The following THRA variants were observed in gnomAD, a reference collection of about 807,000 sequenced individuals.
The protein encoded by THRA is EAR-7.
THRA carries 13 observed loss-of-function variants against 45.0 expected under a neutral mutation model. The observed-to-expected ratio is 0.29, with a 90% confidence interval of 0.19 to 0.46. The LOEUF (loss-of-function observed/expected upper bound fraction) is 0.46, where lower values mean the gene tolerates loss of function less well. Among genes scored for constraint, THRA ranks in the 20% least tolerant of loss-of-function variants. The pLI, the probability that THRA is intolerant of heterozygous loss-of-function variation, is 1.00. For synonymous variants in THRA, 195 were observed against 214.0 expected (o/e 0.91, Z 0.78); for missense variants, 278 against 556.1 (o/e 0.50, Z 5.03).
intron 3 of THRA, 111 bp downstream of exon 3, chr17:40,077,049 G>A (rs1348410451): frequency 3.5e-6 from 4 of 1,129,650 alleles, no homozygotes; most frequent in Middle Eastern, 2.2e-4. Flanking sequence ...CCTGGGGGGA[G>A]CCTCCTAGAG....
chr17:40,081,002 G>A (rs925235942), intron 4 of THRA, among the ~76,000 whole-genome samples: 11 of 152,158 alleles, frequency 7.2e-5, no homozygotes, highest in Middle Eastern at 3.4e-3. Flanking sequence ...GATTACAGGC[G>A]TGAGCCACCG....
At chr17:40,079,119 A>G (rs1461640366) in intron 4 of THRA, among the ~76,000 whole-genome samples, 1 of 152,064 alleles carries the variant, frequency 6.6e-6, no homozygotes, top group Non-Finnish European at 1.5e-5. Context: ...AGTGTTTCCC[A>G]TGCACCTGAA....
downstream of THRA, chr17:40,093,431 C>T: frequency 6.4e-7 from 1 of 1,562,128 alleles, no homozygotes; most frequent in South Asian, 1.2e-5. This position sits in a 1 kb window ranked among gnomAD's most constrained non-coding sequence, Gnocchi z 5.9. Flanking sequence ...CATACCTTCT[C>T]CCAGGCCTCT....
At chr17:40,085,190 G>C (rs1331844600) in intron 6 of THRA, among the ~76,000 whole-genome samples, 1 of 152,160 alleles carries the variant, frequency 6.6e-6, no homozygotes, top group Non-Finnish European at 1.5e-5. Flanking sequence ...GGTCAAGCTA[G>C]TTGCTAAGTA....
intron 4 of THRA, among the ~76,000 whole-genome samples, chr17:40,080,961 A>G (rs567255484): frequency 6.6e-5 from 10 of 151,960 alleles, no homozygotes; most frequent in African/African-American, 2.4e-4. Flanking sequence ...TGACCTCGTG[A>G]TCCACCCACC....
intron 1 of THRA, among the ~76,000 whole-genome samples, chr17:40,064,065 C>T (rs1446187059): frequency 6.6e-6 from 1 of 152,084 alleles, no homozygotes; most frequent in Non-Finnish European, 1.5e-5. Context: ...GAGATATGTC[C>T]ACACAGACAG....
chr17:40,067,102 A>G (rs944838408), intron 1 of THRA, among the ~76,000 whole-genome samples: 4 of 152,112 alleles, frequency 2.6e-5, no homozygotes, highest in African/African-American at 9.7e-5. Flanking sequence ...CAGCCTTCTC[A>G]CCGTCATGTA....
At chr17:40,084,263 C>T (rs937338956) in intron 5 of THRA, among the ~76,000 whole-genome samples, 8 of 152,204 alleles carry the variant, frequency 5.3e-5, no homozygotes, top group Non-Finnish European at 1.2e-4. Flanking sequence ...CACTCTAGCA[C>T]ACTGTTCTTG....
chr17:40,084,766 G>A lies in THRA; in HGVS notation c.527G>A (p.Arg176His). The A allele has an allele frequency of 6.2e-7, 1 of 1,614,068 alleles. No individual in the cohort carries two copies. Among genetic ancestry groups the A allele is most frequent in the Non-Finnish European group, 8.5e-7 (1 of 1,180,020 alleles). Residue 176 changes from arginine to histidine, a missense_variant, in exon 6 of 9, where the codon CGC becomes CAC. Arg to His is a conservative substitution (Grantham distance 29). This residue lies in a region of THRA where 111 missense variants were observed against 167.1 expected (regional missense o/e 0.66). Coordinates refer to ENST00000450525, the MANE Select transcript of THRA (RefSeq NM_199334.5). ...ATCCACATTGCCACAGAGGCCCATC[G>A]CAGCACCAATGCCCAGGGCAGCCAT... ...DLIHIATEAH[R>H]STNAQGSHWK...
At position 40,084,652 on chromosome 17, in the gene THRA, T is replaced by C; in HGVS notation, c.413T>C (p.Ile138Thr). ...DSKRVAKRKL[I>T]EQNRERRRKE... Reference sequence around the variant, plus strand: ...AAGCGGGTGGCCAAGCGTAAGCTGATTGAGCAGAACCGGGAGCGGCGGCGG... The same window carrying C: ...AAGCGGGTGGCCAAGCGTAAGCTGACTGAGCAGAACCGGGAGCGGCGGCGG... Residue 138 changes from isoleucine to threonine, a missense_variant, in exon 6 of 9, where the codon ATT (isoleucine) becomes ACT (threonine). By Grantham distance (89) the Ile-to-Thr change is moderately conservative. Coordinates refer to ENST00000450525, the MANE Select transcript of THRA (RefSeq NM_199334.5). 1 of 1,614,102 alleles carries C rather than the reference T, an allele frequency of 6.2e-7. No individual in the cohort carries two copies. The highest frequency in any genetic ancestry group is 8.5e-7 in the Non-Finnish European group (1 of 1,180,004).
chr17:40,070,955 C>T (rs1054513508), intron 1 of THRA, among the ~76,000 whole-genome samples: 6 of 152,010 alleles, frequency 3.9e-5, no homozygotes, highest in African/African-American at 1.2e-4. Context: ...TTCTACCTCA[C>T]CCCTTCTCCC....
chr17:40,072,287 G>T (rs148779765), intron 1 of THRA: 366 of 152,562 alleles, frequency 2.4e-3, no homozygotes, highest in Non-Finnish European at 4.6e-3. Flanking sequence ...GCCTGGCCCG[G>T]CCCACAGCAG....
At chr17:40,087,153 AAC>A (rs1199684091) in intron 7 of THRA, among the ~76,000 whole-genome samples, 6 of 147,042 alleles carry the variant, frequency 4.1e-5, no homozygotes, top group African/African-American at 1.3e-4. Flanking sequence ...CTAGTACACA[AAC>A]ACACACACAG....
chr17:40,070,000 G>A (rs985239769), intron 1 of THRA, among the ~76,000 whole-genome samples: 1 of 151,612 alleles, frequency 6.6e-6, no homozygotes, highest in Admixed American at 6.6e-5. Context: ...CTGCAGGGGG[G>A]GTTTCCTGTT....
chr17:40,064,855 T>C (rs1568400), intron 1 of THRA, among the ~76,000 whole-genome samples: 57,412 of 152,000 alleles, frequency 0.38, 13,543 homozygotes, highest in African/African-American at 0.67. Context: ...AGGTGCAGAA[T>C]GAGTTCACAA....
chr17:40,063,258 C>T (rs111828565), intron 1 of THRA, among the ~76,000 whole-genome samples, 166 bp downstream of exon 1: 33 of 152,310 alleles, frequency 2.2e-4, no homozygotes, highest in African/African-American at 7.7e-4. Context: ...GTCACGAGCC[C>T]GGGAGCTTGC....
chr17:40,071,371 G>C (rs913247388), intron 1 of THRA, among the ~76,000 whole-genome samples: 1 of 152,200 alleles, frequency 6.6e-6, no homozygotes, highest in Non-Finnish European at 1.5e-5. Flanking sequence ...GGGACGGCTC[G>C]GCAGTGGGAA....
chr17:40,063,771 C>T (rs1986452138), intron 1 of THRA, among the ~76,000 whole-genome samples: 1 of 151,982 alleles, frequency 6.6e-6, no homozygotes, highest in Admixed American at 6.6e-5. Flanking sequence ...AGAAATGGAC[C>T]TGTGTGTGTG....
chr17:40,077,365 G>T (rs976089322), intron 3 of THRA, 143 bp from the exon 4 acceptor site: 4 of 662,278 alleles, frequency 6.0e-6, no homozygotes, highest in African/African-American at 1.8e-5. Flanking sequence ...GGTTCACCTC[G>T]TGTCTCTCTA....
Sources: gnomAD v4.1 joint callset for allele counts (sites outside exome capture counted in the v4.1 genomes callset) on GRCh38, gnomAD v4.1.1 for gene constraint, gnomAD v4.1.1 regional missense constraint, Gnocchi (gnomAD v3.1) non-coding constraint, MANE v1.5 for transcripts, NCBI Gene and HGNC (gene_info 2026-07-23, HGNC 2026-07-21) for gene names.